KPNA5: variants seen among roughly 807,000 people sequenced by gnomAD.
KPNA5 encodes the protein importin subunit alpha-6.
In KPNA5, 46 loss-of-function variants were observed where a neutral mutation model predicts 71.3. That is an observed-to-expected ratio of 0.65 (90% CI 0.51 to 0.83). The LOEUF (loss-of-function observed/expected upper bound fraction) is 0.83, where lower values mean the gene tolerates loss of function less well. KPNA5 is among the 40% of genes least tolerant of loss of function. The probability of loss-of-function intolerance (pLI) is 0.00; values close to 1 mark genes in which losing one functional copy is unlikely to be tolerated. For missense variants in KPNA5, 547 were observed against 628.3 expected (o/e 0.87, Z 1.38); for synonymous variants, 207 against 201.4 (o/e 1.03, Z -0.24).
At chr6:116,714,276 G>A (rs987300213) in intron 7 of KPNA5, among the ~76,000 whole-genome samples, 8 of 152,198 alleles carry the variant, frequency 5.3e-5, no homozygotes, top group East Asian at 3.9e-4. Flanking sequence ...CTTGTCATGC[G>A]TGGTCTCTGA....
intron 7 of KPNA5, among the ~76,000 whole-genome samples, chr6:116,710,542 C>T (rs1778621747): frequency 6.6e-6 from 1 of 152,072 alleles, no homozygotes; most frequent in African/African-American, 2.4e-5. Context: ...AATCCAGTTA[C>T]ATTCTTTCCA....
At chr6:116,691,471 G>C (rs2114374715) in intron 2 of KPNA5, among the ~76,000 whole-genome samples, 1 of 152,114 alleles carries the variant, frequency 6.6e-6, no homozygotes, top group Middle Eastern at 3.4e-3. Flanking sequence ...TTGAATCTGG[G>C]AATGTGGAAC....
chr6:116,729,814 T>C (rs952175334), intron 13 of KPNA5, 73 bp downstream of exon 13: 27 of 986,340 alleles, frequency 2.7e-5, no homozygotes, highest in Admixed American at 6.2e-5. Context: ...TCCAGTTCCC[T>C]ACAATTTTTT....
At position 116,734,961 on chromosome 6, in the gene KPNA5, A is replaced by G. The variant is rs1779619458; in HGVS notation, c.*2638A>G. ...AAGAGTCCTTTTCATTTATTTAATTAAATTTGGTGTTTTATTTTGTCTGAA... is the reference window on the plus strand; with the variant it reads ...AAGAGTCCTTTTCATTTATTTAATTGAATTTGGTGTTTTATTTTGTCTGAA... On this transcript the variant is annotated 3_prime_UTR_variant, in exon 14 of 14. Transcript: ENST00000368564. The G allele has an allele frequency of 6.6e-6, 1 of 151,738 alleles. No individual in the cohort carries two copies. 9.4% of individuals were successfully genotyped at this position (151,738 alleles called of 1,614,324 possible). A position where few individuals can be genotyped will look rare whatever the true frequency, so the allele number is the denominator to read the frequency against.
intron 8 of KPNA5, among the ~76,000 whole-genome samples, chr6:116,716,541 T>C (rs962134682): frequency 6.6e-6 from 1 of 152,230 alleles, no homozygotes; most frequent in Non-Finnish European, 1.5e-5. Flanking sequence ...AGGCAGTCAC[T>C]GCAACCACAT....
At position 116,736,742 on chromosome 6, in the gene KPNA5, G is replaced by A. The variant is rs762028725; in HGVS notation, c.*4419G>A. 1.3e-5 allele frequency: 2 copies of A among 151,812 alleles called. No homozygotes were observed. The highest frequency in any genetic ancestry group is 2.9e-5 in the Non-Finnish European group (2 of 67,908). 9.4% of individuals were successfully genotyped at this position (151,812 alleles called of 1,614,324 possible). On this transcript the variant is annotated 3_prime_UTR_variant, in exon 14 of 14. Coordinates refer to ENST00000368564, the MANE Select transcript of KPNA5 (RefSeq NM_001366306.2). ...TGAAATACTCACACAGCTTATTAAT[G>A]CTTTGCTCATTTTTGGTTATTTTTC...
At chr6:116,730,337 T>A (rs1280627911) in intron 13 of KPNA5, among the ~76,000 whole-genome samples, 1 of 152,006 alleles carries the variant, frequency 6.6e-6, no homozygotes, top group Non-Finnish European at 1.5e-5. Flanking sequence ...TCCAGCCACC[T>A]CAACCTCCCA....
chr6:116,689,024 G>C (rs1056717388), intron 1 of KPNA5, among the ~76,000 whole-genome samples: 5 of 152,130 alleles, frequency 3.3e-5, no homozygotes, highest in Non-Finnish European at 5.9e-5. Context: ...TTAAAACACT[G>C]TGGGGGCTAG....
chr6:116,726,489 T>G lies in KPNA5; in HGVS notation c.1126-6T>G. 6.3e-7 allele frequency: 1 copy of G among 1,580,266 alleles called. No homozygotes were observed. Among genetic ancestry groups the G allele is most frequent in the Non-Finnish European group, 8.7e-7 (1 of 1,154,266 alleles). On this transcript the variant is annotated splice_region_variant and splice_polypyrimidine_tract_variant and intron_variant, in intron 11 of 13. Coordinates refer to ENST00000368564, the MANE Select transcript of KPNA5 (RefSeq NM_001366306.2). The stretch of plus-strand genomic sequence containing the variant: ...TGTACTGATTATATATTTTTCCCCC[T>G]CTCAGGCTGTTATAGATGCAAATAT...
chr6:116,710,923 C>G (rs1390402798), intron 7 of KPNA5, among the ~76,000 whole-genome samples: 1 of 85,204 alleles, frequency 1.2e-5, no homozygotes, highest in African/African-American at 4.6e-5. Flanking sequence ...GAGTTGGAGT[C>G]TTGCTCTGTT....
intron 10 of KPNA5, among the ~76,000 whole-genome samples, chr6:116,724,638 T>G (rs1176560754): frequency 5.3e-5 from 8 of 152,166 alleles, no homozygotes; most frequent in Non-Finnish European, 1.0e-4. Context: ...TCTCCTAGGC[T>G]GGGGTGCAGT....
chr6:116,729,519 A>G lies in KPNA5; in HGVS notation c.1254-44A>G. Reference sequence around the variant, plus strand: ...TTACAAACAGTACTTAAGTCTTTTTAAATCTTTTTTTCCCTGTTTCTTCTC... The same window carrying G: ...TTACAAACAGTACTTAAGTCTTTTTGAATCTTTTTTTCCCTGTTTCTTCTC... On this transcript the variant is annotated intron_variant, in intron 12 of 13. Coordinates refer to ENST00000368564, the MANE Select transcript of KPNA5 (RefSeq NM_001366306.2). 2.3e-6 allele frequency: 3 copies of G among 1,280,634 alleles called. No individual in the cohort carries two copies. The Admixed American group carries it at 8.6e-5, about 37-fold the overall frequency. 79.3% of individuals were successfully genotyped at this position (1,280,634 alleles called of 1,614,324 possible).
At chr6:116,717,879 T>C (rs373499390) in intron 8 of KPNA5, among the ~76,000 whole-genome samples, 1 of 149,502 alleles carries the variant, frequency 6.7e-6, no homozygotes, top group African/African-American at 2.6e-5. Flanking sequence ...CCTTTTCCAA[T>C]AGTGTGCCCC....
In KPNA5 at chr6:116,692,104, T is replaced by C. The variant is rs1406697724; in HGVS notation, c.188T>C (p.Leu63Pro). 3.1e-6 allele frequency: 5 copies of C among 1,613,174 alleles called. No homozygotes were observed. The highest frequency in any genetic ancestry group is 4.2e-6 in the Non-Finnish European group (5 of 1,179,352). The stretch of plus-strand genomic sequence containing the variant: ...TTGCCCAGAAATGATGAATCTATGC[T>C]TGAAAGTCCTATACAGGATCCAGAT... ...VYLPRNDESM[L>P]ESPIQDPDIS... is the part of the protein sequence containing the mutation. The change falls in exon 3 of 14, where the codon CTT (leucine) becomes CCT (proline). Residue 63 changes from leucine to proline, a missense_variant. Transcript: ENST00000368564.
chr6:116,691,002 G>A (rs1777780611), intron 2 of KPNA5, among the ~76,000 whole-genome samples: 1 of 152,190 alleles, frequency 6.6e-6, no homozygotes, highest in South Asian at 2.1e-4. Context: ...GCCTAGGTGG[G>A]CGGGTCACCT....
chr6:116,689,508 T>G lies in KPNA5; in HGVS notation c.138+55T>G. On this transcript the variant is annotated intron_variant, in intron 2 of 13. Transcript: ENST00000368564. ...TTTTAAAATTTTAATTATTTGCTAA[T>G]TATTGGATAATTTTAAATGGAAATG... is the stretch of plus-strand genomic sequence containing the variant. The G allele has an allele frequency of 2.2e-6, 3 of 1,346,488 alleles. No individual in the cohort carries two copies. In the South Asian group the frequency reaches 4.5e-5, roughly 20 times the overall value. The allele number at this position is 1,346,488 out of a possible 1,614,324, so 83.4% of individuals were successfully genotyped here.
rs899288387 is a variant in KPNA5, at chr6:116,735,932, G to A, written c.*3609G>A. On this transcript the variant is annotated 3_prime_UTR_variant, in exon 14 of 14. Transcript: ENST00000368564. ...AGAGGTTATCAGTTTTAATAAAAAAGTAAGGCCGTATTTTGCCTCTAAGAA... is the reference window on the plus strand; with the variant it reads ...AGAGGTTATCAGTTTTAATAAAAAAATAAGGCCGTATTTTGCCTCTAAGAA... The A allele has an allele frequency of 6.6e-6, 1 of 151,508 alleles. No individual in the cohort carries two copies. Among genetic ancestry groups the A allele is most frequent in the Non-Finnish European group, 1.5e-5 (1 of 67,628 alleles). 9.4% of individuals were successfully genotyped at this position (151,508 alleles called of 1,614,324 possible). A position where few individuals can be genotyped will look rare whatever the true frequency, so the allele number is the denominator to read the frequency against.
intron 4 of KPNA5, among the ~76,000 whole-genome samples, chr6:116,694,599 G>A (rs964540880): frequency 6.6e-6 from 1 of 152,044 alleles, no homozygotes; most frequent in Non-Finnish European, 1.5e-5. Context: ...TATCCTGAGA[G>A]TTTGCTGAAT....
At chr6:116,705,584 C>A (rs542353514) in intron 7 of KPNA5, among the ~76,000 whole-genome samples, 1 of 151,982 alleles carries the variant, frequency 6.6e-6, no homozygotes, top group South Asian at 2.1e-4. Context: ...AGTTTTACTT[C>A]AAGTGATTTA....
Sources: allele counts gnomAD v4.1 joint callset (sites outside exome capture counted in the v4.1 genomes callset), GRCh38; gene constraint gnomAD v4.1.1; transcripts MANE v1.5; gene names NCBI Gene and HGNC (gene_info 2026-07-23, HGNC 2026-07-21).